The following SEMA3F variants were observed in gnomAD, a reference collection of about 807,000 sequenced individuals.
SEMA3F encodes the protein semaphorin 3F.
A neutral mutation model predicts 98.5 loss-of-function variants in SEMA3F; 30 were observed. That is an observed-to-expected ratio of 0.30 (90% CI 0.23 to 0.41). The LOEUF (loss-of-function observed/expected upper bound fraction) is 0.41. Among genes scored for constraint, SEMA3F ranks in the 10% least tolerant of loss-of-function variants. The pLI is 1.00. For missense variants in SEMA3F, 866 were observed against 1,119.3 expected, an observed-to-expected ratio of 0.77 and a Z score of 3.23; for synonymous variants, 380 against 444.8, an observed-to-expected ratio of 0.85 and a Z score of 1.83.
chr3:50,182,539 G>A lies in SEMA3F; in HGVS notation c.764-105G>A, dbSNP rs1216229761. The A allele has an allele frequency of 8.3e-6, 13 of 1,574,964 alleles. No individual in the cohort carries two copies. Among genetic ancestry groups the A allele is most frequent in the Middle Eastern group, 1.7e-4 (1 of 5,776 alleles). ...TGGGGCAGGGGTAGTTTCTTATCTGGAGAGGAGTTGGGGGTGTTCTTGCAC... is the reference window on the plus strand; with the variant it reads ...TGGGGCAGGGGTAGTTTCTTATCTGAAGAGGAGTTGGGGGTGTTCTTGCAC... On this transcript the variant is annotated intron_variant, in intron 8 of 18. Transcript: ENST00000002829. This position sits in a 1 kb window ranked among gnomAD's most constrained non-coding sequence, Gnocchi z 4.5.
chr3:50,187,588 G>C, intron 18 of SEMA3F, 117 bp from the exon 19 acceptor site: 1 of 725,816 alleles, frequency 1.4e-6, no homozygotes, highest in African/African-American at 1.8e-5. Context: ...CTGGCATATG[G>C]AAATCCCACA....
At chr3:50,174,169 C>T (rs1437245229) in intron 4 of SEMA3F, 55 bp downstream of exon 4, 2 of 1,613,780 alleles carry the variant, frequency 1.2e-6, no homozygotes, top group Non-Finnish European at 1.7e-6. Context: ...TGGGAAGGTA[C>T]TGCCCCCAGT....
At chr3:50,187,671 A>G in intron 18 of SEMA3F, 34 bp from the exon 19 acceptor site, 1 of 1,538,946 alleles carries the variant, frequency 6.5e-7, no homozygotes, top group Non-Finnish European at 8.8e-7. Flanking sequence ...GGGTGGTCAC[A>G]GAGCCTCTGA....
At chr3:50,163,747 G>A (rs963123219) in intron 2 of SEMA3F, among the ~76,000 whole-genome samples, 1 of 152,194 alleles carries the variant, frequency 6.6e-6, no homozygotes, top group African/African-American at 2.4e-5. Context: ...GGAGGCCCAG[G>A]AGCTTTGAGG....
At chr3:50,165,386 G>A (rs766578676) in intron 2 of SEMA3F, among the ~76,000 whole-genome samples, 2 of 152,190 alleles carry the variant, frequency 1.3e-5, no homozygotes, top group African/African-American at 2.4e-5. Context: ...CCAGTGATAC[G>A]GATGCATTTG....
intron 17 of SEMA3F, 99 bp from the exon 18 acceptor site, chr3:50,186,514 C>T: frequency 6.7e-7 from 1 of 1,485,710 alleles, no homozygotes; most frequent in South Asian, 1.2e-5. Context: ...ACACAGAGCA[C>T]TACATTGGTG....
Position 50,186,627 on chromosome 3 carries a change from G to A in SEMA3F, c.1828G>A (p.Val610Met), listed in dbSNP as rs560306002. Residue 610 changes from valine (V) to methionine (M), a missense_variant, in exon 18 of 19, where the codon GTG becomes ATG. By Grantham distance (21) the Val-to-Met change is conservative. Coordinates refer to ENST00000002829, the MANE Select transcript of SEMA3F (RefSeq NM_004186.5). ...TCACTCTAAAGCCAACAAGAATGCCGTGGAGTCTGTGCAGTATGGCGTGGC... is the reference window on the plus strand; with the variant it reads ...TCACTCTAAAGCCAACAAGAATGCCATGGAGTCTGTGCAGTATGGCGTGGC... ...GFNSNANKNAVESVQYGVAGS... is the reference protein window; with the variant it reads ...GFNSNANKNAMESVQYGVAGS... The A allele has an allele frequency of 2.6e-5, 42 of 1,596,850 alleles. No homozygotes were observed. Among genetic ancestry groups the A allele is most frequent in the Non-Finnish European group, 3.3e-5 (39 of 1,166,160 alleles).
At chr3:50,175,653 C>T (rs1193705251) in intron 6 of SEMA3F, among the ~76,000 whole-genome samples, 7 of 152,164 alleles carry the variant, frequency 4.6e-5, no homozygotes, top group Admixed American at 4.6e-4. Context: ...GGGCGCTCTT[C>T]TCCCGTGTGG....
chr3:50,184,453 G>C, intron 12 of SEMA3F, 139 bp from the exon 13 acceptor site: 1 of 676,578 alleles, frequency 1.5e-6, no homozygotes, highest in Non-Finnish European at 2.6e-6. Flanking sequence ...GTGCAGGGCA[G>C]AAACTTGGAG....
intron 12 of SEMA3F, 94 bp from the exon 13 acceptor site, chr3:50,184,498 G>A: frequency 1.2e-6 from 1 of 852,156 alleles, no homozygotes; most frequent in Non-Finnish European, 1.9e-6. Flanking sequence ...TTGAGGTAGT[G>A]GGGACAGACA....
rs944522148 is a variant in SEMA3F at position 50,182,768 on chromosome 3, C to T, written c.888C>T (p.Ile296=). ...APQSPAVYAR[I]GRICLNDDGG... ...AGAGCCCCGCGGTGTACGCCCGCAT[C>T]GGGCGCATTTGCCTGGTATGCATTG... Residue 296 remains isoleucine (I), a synonymous_variant, in exon 9 of 19, where the codon ATC becomes ATT. Transcript: ENST00000002829. The surrounding 1 kb of genome is among the most constrained non-coding windows in gnomAD (Gnocchi z 4.5). 3.1e-6 allele frequency: 5 copies of T among 1,612,790 alleles called. No individual in the cohort carries two copies. Among genetic ancestry groups the T allele is most frequent in the East Asian group, 2.2e-5 (1 of 44,894 alleles).
chr3:50,184,518 C>A, intron 12 of SEMA3F, 74 bp from the exon 13 acceptor site: 3 of 1,060,798 alleles, frequency 2.8e-6, no homozygotes, highest in Admixed American at 3.7e-5. Context: ...AGTGCAGCGG[C>A]CTCTTCTGAA....
At chr3:50,175,795 T>G (rs1386473518) in intron 6 of SEMA3F, among the ~76,000 whole-genome samples, 4 of 151,978 alleles carry the variant, frequency 2.6e-5, no homozygotes, top group African/African-American at 7.3e-5. Flanking sequence ...TGCAGGATCG[T>G]GTGGATTCTG....
At chr3:50,159,944 C>T (rs781634255) in intron 2 of SEMA3F, among the ~76,000 whole-genome samples, 3 of 152,160 alleles carry the variant, frequency 2.0e-5, no homozygotes, top group Non-Finnish European at 4.4e-5. Context: ...GCAAAAGAGT[C>T]CAGAGTCTGG....
intron 2 of SEMA3F, among the ~76,000 whole-genome samples, chr3:50,168,085 T>C (rs1195240383): frequency 6.6e-6 from 1 of 152,202 alleles, no homozygotes; most frequent in Non-Finnish European, 1.5e-5. Context: ...ATTGGTTTTG[T>C]TGGCACCAAC....
At chr3:50,183,641 G>T in intron 12 of SEMA3F, 77 bp downstream of exon 12, 4 of 1,503,330 alleles carry the variant, frequency 2.7e-6, no homozygotes, top group Middle Eastern at 3.5e-4. Flanking sequence ...TTGCAACATG[G>T]GCCCCACCAT....
intron 5 of SEMA3F, 144 bp downstream of exon 5, chr3:50,174,494 C>A (rs1410102865): frequency 2.0e-6 from 2 of 1,018,792 alleles, no homozygotes; most frequent in Admixed American, 2.6e-5. Context: ...CCTCGCTGAG[C>A]CTCAGTTTCT....
intron 18 of SEMA3F, among the ~76,000 whole-genome samples, chr3:50,187,411 A>G (rs545295722): frequency 6.9e-6 from 1 of 145,904 alleles, no homozygotes; most frequent in Non-Finnish European, 1.5e-5. Flanking sequence ...CGACAGAGCC[A>G]GACCTTGTCT....
At chr3:50,170,524 A>T (rs1698561898) in intron 2 of SEMA3F, among the ~76,000 whole-genome samples, 2 of 152,018 alleles carry the variant, frequency 1.3e-5, no homozygotes, top group South Asian at 4.1e-4. Context: ...AGGCAGAGAC[A>T]CCCATGAAGG....
Sources: gnomAD v4.1 joint callset for allele counts (sites outside exome capture counted in the v4.1 genomes callset) on GRCh38, gnomAD v4.1.1 for gene constraint, Gnocchi (gnomAD v3.1) non-coding constraint, MANE v1.5 for transcripts, NCBI Gene and HGNC (gene_info 2026-07-23, HGNC 2026-07-21) for gene names.